AASS: variants seen among roughly 807,000 people sequenced by gnomAD.
AASS encodes alpha-aminoadipic semialdehyde synthase, mitochondrial.
A neutral mutation model predicts 105.4 loss-of-function variants in AASS; 86 were observed. The ratio of observed to expected loss-of-function variants is 0.82; its 90% CI spans 0.69 to 0.98. The LOEUF (loss-of-function observed/expected upper bound fraction) is 0.98. AASS is among the 50% of genes least tolerant of loss of function. The probability of loss-of-function intolerance (pLI) is 0.00; values close to 1 mark genes in which losing one functional copy is unlikely to be tolerated. For missense variants in AASS, 1,048 were observed against 1,143.2 expected (o/e 0.92, Z 1.20); for synonymous variants, 381 against 394.8 (o/e 0.96, Z 0.41).
rs2150504339 is a variant in AASS at position 122,074,594 on chromosome 7, A to G, written c.*1895T>C. The stretch of plus-strand genomic sequence containing the variant: ...TTTACGCCATGTTTTCTTTGAAGAT[A>G]CTTACAATATTAGCTCTTACATTTA... On this transcript the variant is annotated 3_prime_UTR_variant, in exon 24 of 24. Coordinates refer to ENST00000417368, the MANE Select transcript of AASS (RefSeq NM_005763.4). 6.6e-6 allele frequency among the ~76,000 whole-genome samples: 1 copy of G among 152,312 alleles called. No individual in the cohort carries two copies. Among genetic ancestry groups the G allele is most frequent in the Admixed American group, 6.5e-5 (1 of 15,302 alleles).
At chr7:122,088,634 T>C (rs576828549) in intron 18 of AASS, among the ~76,000 whole-genome samples, 12 of 152,200 alleles carry the variant, frequency 7.9e-5, no homozygotes, top group African/African-American at 2.6e-4. Flanking sequence ...AGGAAGATAG[T>C]GGTAGCTCTT....
At chr7:122,088,725 G>A (rs1329462134) in intron 18 of AASS, among the ~76,000 whole-genome samples, 1 of 152,054 alleles carries the variant, frequency 6.6e-6, no homozygotes, top group African/African-American at 2.4e-5. Flanking sequence ...TTAAAGCGAT[G>A]TTTGCAGAGC....
At chr7:122,087,907 G>A (rs1473311440) in intron 18 of AASS, among the ~76,000 whole-genome samples, 1 of 152,108 alleles carries the variant, frequency 6.6e-6, no homozygotes, top group Admixed American at 6.6e-5. Flanking sequence ...CAAAGAAGAT[G>A]GAGAAATGTC....
At chr7:122,079,376 A>G in intron 21 of AASS, 1 of 1,372,434 alleles carries the variant, frequency 7.3e-7, no homozygotes, top group Non-Finnish European at 9.5e-7. Flanking sequence ...TGAGTGGTAA[A>G]GTGTTTCGAG....
intron 4 of AASS, among the ~76,000 whole-genome samples, chr7:122,120,891 T>C (rs1795410131): frequency 6.6e-6 from 1 of 152,054 alleles, no homozygotes; most frequent in South Asian, 2.1e-4. Flanking sequence ...CTAGGTCAAT[T>C]CTATTACAGT....
chr7:122,111,672 G>C (rs1235056479), intron 11 of AASS, among the ~76,000 whole-genome samples: 1 of 152,128 alleles, frequency 6.6e-6, no homozygotes, highest in African/African-American at 2.4e-5. Context: ...GGGAGGCCGA[G>C]GCGGGTGGAT....
chr7:122,133,651 A>G lies in AASS; in HGVS notation c.76T>C (p.Leu26=), dbSNP rs1331080806. The G allele has an allele frequency of 3.7e-6, 6 of 1,614,044 alleles. No homozygotes were observed. The highest frequency in any genetic ancestry group is 1.3e-5 in the African/African-American group (1 of 74,910). The change falls in exon 2 of 24, where the codon TTG becomes CTG. Residue 26 remains leucine, a synonymous_variant. Transcript: ENST00000417368. The part of the protein sequence containing the change: ...LSKGLHHKAV[L]AVRREDVNAW... ...TTCACATCCTCCCTCCGGACGGCCA[A>G]CACAGCTTTGTGGTGAAGACCCTTG...
At chr7:122,140,828 G>A (rs536325387) in intron 1 of AASS, among the ~76,000 whole-genome samples, 17 of 150,146 alleles carry the variant, frequency 1.1e-4, no homozygotes, top group African/African-American at 3.7e-4. Context: ...AAGAAAATAA[G>A]TTCAAGGATG....
chr7:122,118,649 A>G lies in AASS; in HGVS notation c.473-19T>C. 6.2e-7 allele frequency: 1 copy of G among 1,611,616 alleles called. No individual in the cohort carries two copies. Among genetic ancestry groups the G allele is most frequent in the South Asian group, 1.1e-5 (1 of 90,892 alleles). The stretch of plus-strand genomic sequence containing the variant: ...ATCATTCCTGTTACAGAATCAGACC[A>G]ATAGAAAGACTATTAGTTGGGAAGA... On this transcript the variant is annotated intron_variant, in intron 4 of 23. Coordinates refer to ENST00000417368, the MANE Select transcript of AASS (RefSeq NM_005763.4).
At chr7:122,118,685 T>TTC (rs1795305924) in intron 4 of AASS, 55 bp from the exon 5 acceptor site, 1 of 1,559,058 alleles carries the variant, frequency 6.4e-7, no homozygotes, top group East Asian at 2.3e-5. Flanking sequence ...ATTTAAGCTG[T>TTC]TCTCTCTGCT....
intron 11 of AASS, among the ~76,000 whole-genome samples, chr7:122,109,185 G>A (rs374271030): frequency 1.4e-5 from 2 of 147,172 alleles, no homozygotes; most frequent in South Asian, 2.1e-4. Context: ...TTCATGGAAT[G>A]GAAGAATTTA....
intron 11 of AASS, among the ~76,000 whole-genome samples, chr7:122,110,065 CT>C (rs1205669047): frequency 6.6e-6 from 1 of 151,904 alleles, no homozygotes; most frequent in Non-Finnish European, 1.5e-5. Flanking sequence ...TACCTAAGCA[CT>C]TATTGCAAGA....
At chr7:122,117,577 GATC>G (rs1406067969) in intron 6 of AASS, among the ~76,000 whole-genome samples, 2 of 152,014 alleles carry the variant, frequency 1.3e-5, no homozygotes, top group Non-Finnish European at 2.9e-5. Context: ...AGGTAAAACA[GATC>G]ACCCTCAGAA....
intron 4 of AASS, among the ~76,000 whole-genome samples, chr7:122,122,440 C>G (rs1795481772): frequency 1.3e-5 from 2 of 152,228 alleles, no homozygotes; most frequent in South Asian, 4.2e-4. Flanking sequence ...CAATGTAATC[C>G]ACAAACAATT....
chr7:122,111,238 A>G (rs1794917255), intron 11 of AASS, among the ~76,000 whole-genome samples: 1 of 152,124 alleles, frequency 6.6e-6, no homozygotes, highest in African/African-American at 2.4e-5. Flanking sequence ...AAAGATAGAA[A>G]CTCTCTGCAG....
intron 2 of AASS, among the ~76,000 whole-genome samples, chr7:122,131,241 G>A (rs985309370): frequency 1.3e-5 from 2 of 151,218 alleles, no homozygotes; most frequent in Non-Finnish European, 3.0e-5. Context: ...AAATCCAGAT[G>A]GATATTAGAT....
rs1431791687 is a variant in AASS, at chr7:122,081,434, AC to A, written c.2280+65del. The A allele has an allele frequency of 3.2e-6, 4 of 1,246,338 alleles. No individual in the cohort carries two copies. The African/African-American group carries it at 5.9e-5, about 18-fold the overall frequency. 77.2% of individuals were successfully genotyped at this position (1,246,338 alleles called of 1,614,324 possible). A position where few individuals can be genotyped will look rare whatever the true frequency, so the allele number is the denominator to read the frequency against. On this transcript the variant is annotated intron_variant, in intron 20 of 23. Transcript: ENST00000417368. Reference sequence around the variant, plus strand: ...CTTTTGCAGATCCAAAGCAGAGTTCACCCCCGACCATTTCAGAAGGTATTTC... The same window carrying A: ...CTTTTGCAGATCCAAAGCAGAGTTCACCCCGACCATTTCAGAAGGTATTTC...
chr7:122,079,187 T>C (rs1793186682), intron 21 of AASS: 1 of 1,415,006 alleles, frequency 7.1e-7, no homozygotes. Context: ...AGATGATGGA[T>C]TGTAATCCCA....
chr7:122,118,158 T>G (rs891898650), intron 6 of AASS, 149 bp downstream of exon 6: 2 of 828,690 alleles, frequency 2.4e-6, no homozygotes, highest in African/African-American at 1.7e-5. Flanking sequence ...ATTACTACTT[T>G]TCACTATGAG....
Sources: gnomAD v4.1 joint callset for allele counts (sites outside exome capture counted in the v4.1 genomes callset) on GRCh38, gnomAD v4.1.1 for gene constraint, MANE v1.5 for transcripts, NCBI Gene and HGNC (gene_info 2026-07-23, HGNC 2026-07-21) for gene names.